Variants in MLH3 observed in about 807,000 individuals in gnomAD.
MLH3 encodes the protein mutL homolog 3, also known as DNA mismatch repair protein Mlh3.
Under a neutral mutation model 122.2 loss-of-function variants are expected in MLH3, and 82 were observed. The observed-to-expected ratio is 0.67, with a 90% CI of 0.56 to 0.81. MLH3 has a LOEUF of 0.81. Among genes scored for constraint, MLH3 ranks in the 30% least tolerant of loss-of-function variants. MLH3 has a pLI of 0.00. For synonymous variants in MLH3, 524 were observed against 599.5 expected, an observed-to-expected ratio of 0.87 and a Z score of 1.84; for missense variants, 1,539 against 1,714.5, an observed-to-expected ratio of 0.90 and a Z score of 1.81.
In MLH3 at chr14:75,048,765, C is replaced by G. The variant is rs1892448574; in HGVS notation, c.891G>C (p.Arg297=). Reference sequence around the variant, plus strand: ...ATATGCCATAGAGTTCTGGGGTAGACCGGTGCCGAAGACTTGAATTCATTT... The same window carrying G: ...ATATGCCATAGAGTTCTGGGGTAGAGCGGTGCCGAAGACTTGAATTCATTT... The part of the protein sequence containing the change: ...SRQMNSSLRH[R]STPELYGIYV... The change falls in exon 2 of 13, where the codon CGG becomes CGC. Residue 297 remains arginine, a synonymous_variant. Coordinates refer to ENST00000355774, the MANE Select transcript of MLH3 (RefSeq NM_001040108.2). 6.2e-7 allele frequency: 1 copy of G among 1,614,042 alleles called. No homozygotes were observed. Among genetic ancestry groups the G allele is most frequent in the Non-Finnish European group, 8.5e-7 (1 of 1,180,000 alleles).
intron 2 of MLH3, among the ~76,000 whole-genome samples, chr14:75,043,615 T>G (rs1892017671): frequency 1.3e-5 from 2 of 152,182 alleles, no homozygotes; most frequent in South Asian, 2.1e-4. Context: ...ACATGAGAGA[T>G]AAATCTGTTG....
At chr14:75,034,295 T>A (rs1295452060) in intron 6 of MLH3, among the ~76,000 whole-genome samples, 3 of 152,172 alleles carry the variant, frequency 2.0e-5, no homozygotes, top group Admixed American at 1.3e-4. Flanking sequence ...TCAACTTTAA[T>A]ATGATAAAGG....
At chr14:75,040,120 A>C in intron 4 of MLH3, 105 bp from the exon 5 acceptor site, 1 of 619,730 alleles carries the variant, frequency 1.6e-6, no homozygotes, top group Non-Finnish European at 3.0e-6. Flanking sequence ...TATTTAGCCT[A>C]CTAGAGGTGG....
chr14:75,027,439 T>A (rs555641536), intron 9 of MLH3, among the ~76,000 whole-genome samples: 4 of 151,928 alleles, frequency 2.6e-5, no homozygotes, highest in African/African-American at 9.6e-5. Context: ...TTTGTATTTT[T>A]GGTAGAGACA....
In MLH3 at chr14:75,047,664, TTTAC is replaced by T. The variant is rs775792922; in HGVS notation, c.1988_1991del (p.Ser663LysfsTer16). 2 of 1,613,932 alleles carry T rather than the reference TTTAC, an allele frequency of 1.2e-6. No homozygotes were observed. Among genetic ancestry groups the T allele is most frequent in the Non-Finnish European group, 8.5e-7 (1 of 1,179,974 alleles). ...TTTTGTTGGGCAATTGACCAGATTC[TTTAC>T]TTAAAGTGCTGGCTAAATCTTTGAT... On this transcript the variant is annotated frameshift_variant, in exon 2 of 13. Coordinates refer to ENST00000355774, the MANE Select transcript of MLH3 (RefSeq NM_001040108.2). LOFTEE classifies it high-confidence loss of function.
chr14:75,036,279 A>G (rs1891398870), intron 6 of MLH3, among the ~76,000 whole-genome samples: 1 of 152,070 alleles, frequency 6.6e-6, no homozygotes, highest in Non-Finnish European at 1.5e-5. Context: ...TGATGGCTCA[A>G]ATTTGTATCT....
intron 6 of MLH3, among the ~76,000 whole-genome samples, chr14:75,037,988 C>T (rs2139451514): frequency 6.6e-6 from 1 of 152,208 alleles, no homozygotes; most frequent in East Asian, 1.9e-4. Flanking sequence ...CATCCTCTGC[C>T]TCCCAAGTTC....
rs2139296486 is a variant in MLH3, at chr14:75,018,878, G to A, written c.4193C>T (p.Pro1398Leu). Reference protein sequence around the residue: ...QLPFQCAHGRPSMLPLADIDH... With the variant: ...QLPFQCAHGRLSMLPLADIDH... ...TATGTCAGCTAACGGCAGCATAGAA[G>A]GTCTCCCGTGAGCACACTGGAATGG... Residue 1398 changes from proline (P) to leucine (L), a missense_variant, in exon 12 of 13, where the codon CCT becomes CTT. Physicochemically the swap from Pro to Leu is moderately conservative, Grantham distance 98. Coordinates refer to ENST00000355774, the MANE Select transcript of MLH3 (RefSeq NM_001040108.2). 6 of 1,614,136 alleles carry A rather than the reference G, an allele frequency of 3.7e-6. No individual in the cohort carries two copies. The highest frequency in any genetic ancestry group is 5.1e-6 in the Non-Finnish European group (6 of 1,180,012).
intron 9 of MLH3, among the ~76,000 whole-genome samples, chr14:75,028,463 G>C (rs1481620440): frequency 1.3e-5 from 2 of 148,630 alleles, no homozygotes; most frequent in East Asian, 4.0e-4. Flanking sequence ...TGTCACTCAG[G>C]CTGGAGTGCA....
chr14:75,026,058 A>C (rs1419734503), intron 9 of MLH3, among the ~76,000 whole-genome samples: 1 of 152,132 alleles, frequency 6.6e-6, no homozygotes, highest in Non-Finnish European at 1.5e-5. Context: ...CTCTTACCTT[A>C]ACCACTGCAA....
At chr14:75,030,761 C>T (rs1890997530) in intron 8 of MLH3, 59 bp from the exon 9 acceptor site, 1 of 1,423,206 alleles carries the variant, frequency 7.0e-7, no homozygotes, top group Non-Finnish European at 9.9e-7. Flanking sequence ...TTGCACTTCA[C>T]TACTGGTTCC....
chr14:75,018,692 T>G (rs1360263572), intron 12 of MLH3, 137 bp downstream of exon 12: 11 of 944,700 alleles, frequency 1.2e-5, no homozygotes, highest in Non-Finnish European at 1.8e-5. Context: ...AGGCTTTATG[T>G]GAAACTTCCA....
At chr14:75,038,870 A>C (rs1891605962) in intron 5 of MLH3, among the ~76,000 whole-genome samples, 1 of 150,234 alleles carries the variant, frequency 6.7e-6, no homozygotes, top group Non-Finnish European at 1.5e-5. Context: ...ACGGAGTCTC[A>C]CTTTGTCACC....
chr14:75,048,960 CTCTTTA>C lies in MLH3; in HGVS notation c.690_695del (p.Tyr230_Glu232delinsTer). ...AGCTGATATAGCCACTAAGCTCAAA[CTCTTTA>C]TATTTAAAACTTATTTCTCTTAGCT... On this transcript the variant is annotated stop_gained and inframe_deletion, in exon 2 of 13. Coordinates refer to ENST00000355774, the MANE Select transcript of MLH3 (RefSeq NM_001040108.2). LOFTEE classifies it high-confidence loss of function. The C allele has an allele frequency of 6.2e-7, 1 of 1,613,258 alleles. No individual in the cohort carries two copies. The highest frequency in any genetic ancestry group is 8.5e-7 in the Non-Finnish European group (1 of 1,179,736).
Position 75,017,289 on chromosome 14 carries a change from A to G in MLH3, c.4243-88T>C. ...CGAGGTGACTCACACCTGTAATCCC[A>G]GCACTCTGGGAGGCCAAGGCAGGCG... On this transcript the variant is annotated intron_variant, in intron 12 of 12. Coordinates refer to ENST00000355774, the MANE Select transcript of MLH3 (RefSeq NM_001040108.2). 2.1e-6 allele frequency: 3 copies of G among 1,425,278 alleles called. No homozygotes were observed. In the South Asian group the frequency reaches 3.5e-5, roughly 16 times the overall value. The allele number at this position is 1,425,278 out of a possible 1,614,324, so 88.3% of individuals were successfully genotyped here. A position where few individuals can be genotyped will look rare whatever the true frequency, so the allele number is the denominator to read the frequency against.
In MLH3 at chr14:75,018,866, G is replaced by A. The variant is rs776206735; in HGVS notation, c.4205C>T (p.Pro1402Leu). The change falls in exon 12 of 13, where the codon CCG becomes CTG. Residue 1402 changes from proline (P) to leucine (L), a missense_variant. By Grantham distance (98) the Pro-to-Leu change is moderately conservative. Coordinates refer to ENST00000355774, the MANE Select transcript of MLH3 (RefSeq NM_001040108.2). ...QCAHGRPSML[P>L]LADIDHLEQE... is the part of the protein sequence containing the mutation. ...TTCCAAGTGGTCTATGTCAGCTAAC[G>A]GCAGCATAGAAGGTCTCCCGTGAGC... is the stretch of plus-strand genomic sequence containing the variant. The A allele has an allele frequency of 6.8e-6, 11 of 1,614,022 alleles. No homozygotes were observed. Among genetic ancestry groups the A allele is most frequent in the Non-Finnish European group, 9.3e-6 (11 of 1,180,030 alleles).
In MLH3 at chr14:75,046,897, C is replaced by T; in HGVS notation, c.2759G>A (p.Cys920Tyr). Residue 920 changes from cysteine (C) to tyrosine (Y), a missense_variant, in exon 2 of 13, where the codon TGT (cysteine) becomes TAT (tyrosine). Transcript: ENST00000355774. ...TTCATGCTTGTTGTTAAATAACATA[C>T]AAAAATCTTGTGTTAACACACTGCA... The part of the protein sequence containing the change: ...KLCSVLTQDF[C>Y]MLFNNKHEKT... The T allele has an allele frequency of 6.2e-7, 1 of 1,602,474 alleles. No homozygotes were observed. Among genetic ancestry groups the T allele is most frequent in the Non-Finnish European group, 8.5e-7 (1 of 1,173,282 alleles).
At chr14:75,031,414 T>A (rs1229535447) in intron 8 of MLH3, among the ~76,000 whole-genome samples, 1 of 152,186 alleles carries the variant, frequency 6.6e-6, no homozygotes, top group Non-Finnish European at 1.5e-5. Flanking sequence ...TCACAAAGCA[T>A]GGCATAAACA....
At chr14:75,018,242 CAGA>C (rs1566880557) in intron 12 of MLH3, among the ~76,000 whole-genome samples, 1 of 152,212 alleles carries the variant, frequency 6.6e-6, no homozygotes, top group Non-Finnish European at 1.5e-5. Flanking sequence ...ATAACAAGGA[CAGA>C]AGTTCTTCAT....
Sources: gnomAD v4.1 joint callset for allele counts (sites outside exome capture counted in the v4.1 genomes callset) on GRCh38, gnomAD v4.1.1 for gene constraint, MANE v1.5 for transcripts, NCBI Gene and HGNC (gene_info 2026-07-23, HGNC 2026-07-21) for gene names.